MAD1L1: variants seen among roughly 807,000 people sequenced by gnomAD.
MAD1L1 encodes the protein mitotic arrest deficient 1 like 1, also known as mitotic spindle assembly checkpoint protein MAD1.
A neutral mutation model predicts 96.9 loss-of-function variants in MAD1L1; 95 were observed. That is an observed-to-expected ratio of 0.98 (90% confidence interval 0.83 to 1.16). MAD1L1 has a LOEUF of 1.16. Ranked by LOEUF, MAD1L1 falls within the 50% of genes most tolerant of loss-of-function variation. MAD1L1 has a pLI of 0.00. For missense variants in MAD1L1, 1,007 were observed against 954.4 expected (o/e 1.06, Z -0.73); for synonymous variants, 473 against 396.6 (o/e 1.19, Z -2.29).
intron 13 of MAD1L1, among the ~76,000 whole-genome samples, 192 bp from the exon 14 acceptor site, chr7:2,002,313 GTGATGGAGACAAC>G (rs1253768139): frequency 1.3e-5 from 2 of 152,216 alleles, no homozygotes; most frequent in Non-Finnish European, 2.9e-5. Context: ...CGAGAGCCCA[GTGATGGAGACAAC>G]TGATGGAGAC....
At chr7:1,971,722 C>G (rs1320381932) in intron 15 of MAD1L1, among the ~76,000 whole-genome samples, 1 of 152,054 alleles carries the variant, frequency 6.6e-6, no homozygotes, top group Non-Finnish European at 1.5e-5. Context: ...CATCAAATAG[C>G]CTTTAAAATG....
rs756412576 is a variant in MAD1L1 at position 1,980,492 on chromosome 7, T to C, written c.1466A>G (p.Gln489Arg). 1.9e-6 allele frequency: 3 copies of C among 1,600,882 alleles called. No individual in the cohort carries two copies. Among genetic ancestry groups the C allele is most frequent in the Admixed American group, 1.7e-5 (1 of 58,526 alleles). Reference protein sequence around the residue: ...MLKSQSSSAEQSFLFSREEAD... With the variant: ...MLKSQSSSAERSFLFSREEAD... The stretch of plus-strand genomic sequence containing the variant: ...CTCCTCCCTGGAGAACAGGAAGCTC[T>C]GTTCGGCAGAGCTGGACTGAGACTT... Residue 489 changes from glutamine (Q) to arginine (R), a missense_variant, in exon 15 of 19, where the codon CAG becomes CGG. Transcript: ENST00000265854.
intron 18 of MAD1L1, among the ~76,000 whole-genome samples, chr7:1,834,389 C>T (rs1246264639): frequency 2.6e-5 from 4 of 152,160 alleles, no homozygotes; most frequent in African/African-American, 4.8e-5. Flanking sequence ...TCTAGCCAGA[C>T]TGACCTGGAA....
At chr7:1,875,287 G>C (rs1583625918) in intron 18 of MAD1L1, among the ~76,000 whole-genome samples, 1 of 152,354 alleles carries the variant, frequency 6.6e-6, no homozygotes, top group East Asian at 1.9e-4. Context: ...GTACCGGATA[G>C]GACCTGGGCT....
chr7:2,078,741 TC>T (rs1194343994), intron 11 of MAD1L1, among the ~76,000 whole-genome samples: 28 of 152,198 alleles, frequency 1.8e-4, no homozygotes, highest in African/African-American at 6.0e-4. Flanking sequence ...CCACCCCACA[TC>T]CCTGAGGAGG....
chr7:1,881,190 C>T (rs10275045), intron 18 of MAD1L1, among the ~76,000 whole-genome samples: 53,375 of 152,146 alleles, frequency 0.35, 10,350 homozygotes, highest in Admixed American at 0.47. Flanking sequence ...GGAAGTCTTA[C>T]ATGGCTGAAA....
intron 12 of MAD1L1, among the ~76,000 whole-genome samples, chr7:2,039,132 C>A (rs1783569189): frequency 6.6e-6 from 1 of 152,230 alleles, no homozygotes; most frequent in African/African-American, 2.4e-5. Context: ...AGCACACGAC[C>A]TTCAGGGACT....
At chr7:2,153,528 A>T (rs994720511) in intron 10 of MAD1L1, among the ~76,000 whole-genome samples, 9 of 152,212 alleles carry the variant, frequency 5.9e-5, no homozygotes, top group Admixed American at 5.9e-4. Context: ...TGGCTAATAA[A>T]CAGACCAAAA....
At chr7:1,947,074 G>C in intron 16 of MAD1L1, among the ~76,000 whole-genome samples, 1 of 152,202 alleles carries the variant, frequency 6.6e-6, no homozygotes, top group Admixed American at 6.5e-5. Flanking sequence ...GGTGAGTGTG[G>C]TGAGTTTCAC....
At chr7:2,170,663 G>A (rs769344568) in intron 10 of MAD1L1, among the ~76,000 whole-genome samples, 30 of 152,212 alleles carry the variant, frequency 2.0e-4, no homozygotes, top group Non-Finnish European at 7.3e-5. Flanking sequence ...GTTGCAAGAC[G>A]CAAAAGTGAA....
intron 10 of MAD1L1, among the ~76,000 whole-genome samples, chr7:2,188,101 G>C (rs1791546676): frequency 6.6e-6 from 1 of 152,204 alleles, no homozygotes; most frequent in East Asian, 1.9e-4. Context: ...TTTCAAATGA[G>C]CAATGTATGA....
At chr7:2,186,950 C>A (rs1350542844) in intron 10 of MAD1L1, among the ~76,000 whole-genome samples, 2 of 151,978 alleles carry the variant, frequency 1.3e-5, no homozygotes, top group African/African-American at 4.8e-5. Flanking sequence ...TGCGCCACCA[C>A]GCCCGGCGAA....
intron 16 of MAD1L1, among the ~76,000 whole-genome samples, chr7:1,947,669 T>A (rs1051213018): frequency 2.6e-5 from 4 of 151,562 alleles, no homozygotes; most frequent in African/African-American, 9.7e-5. Flanking sequence ...CCTTGCCCGC[T>A]TGGCCTTCCC....
intron 18 of MAD1L1, among the ~76,000 whole-genome samples, chr7:1,861,159 C>T (rs1235188598): frequency 1.3e-5 from 2 of 152,136 alleles, no homozygotes; most frequent in African/African-American, 2.4e-5. Context: ...CAAAGACGGG[C>T]AGGAGGCTGG....
intron 11 of MAD1L1, among the ~76,000 whole-genome samples, chr7:2,096,737 G>A (rs571843628): frequency 1.3e-3 from 195 of 152,226 alleles, no homozygotes; most frequent in African/African-American, 4.3e-3. Flanking sequence ...GCCCCTTCAC[G>A]AGGCCCAGCC....
intron 18 of MAD1L1, among the ~76,000 whole-genome samples, chr7:1,886,080 C>A (rs1186433832): frequency 6.6e-6 from 1 of 152,246 alleles, no homozygotes; most frequent in African/African-American, 2.4e-5. Flanking sequence ...ATCCCAGCAA[C>A]CTGCAGAGAC....
intron 18 of MAD1L1, among the ~76,000 whole-genome samples, chr7:1,893,201 A>T (rs952404123): frequency 9.2e-5 from 14 of 152,156 alleles, no homozygotes; most frequent in Non-Finnish European, 1.8e-4. Context: ...CCCAAACGGC[A>T]GCCCAGGCAG....
chr7:2,104,610 T>G (rs1320952791), intron 11 of MAD1L1, among the ~76,000 whole-genome samples: 1 of 152,256 alleles, frequency 6.6e-6, no homozygotes, highest in Admixed American at 6.5e-5. Context: ...TCGGTTTAAA[T>G]GAATTTACTC....
intron 16 of MAD1L1, among the ~76,000 whole-genome samples, chr7:1,944,284 G>C (rs971929971): frequency 3.3e-5 from 5 of 152,210 alleles, no homozygotes; most frequent in Non-Finnish European, 7.3e-5. Context: ...AACGTTCTGC[G>C]AAGGGTGACG....
Sources: gnomAD v4.1 joint callset for allele counts (sites outside exome capture counted in the v4.1 genomes callset) on GRCh38, gnomAD v4.1.1 for gene constraint, MANE v1.5 for transcripts, NCBI Gene and HGNC (gene_info 2026-07-23, HGNC 2026-07-21) for gene names.